SH2D4A: variants seen among roughly 807,000 people sequenced by gnomAD.
SH2D4A encodes SH2 domain-containing protein 4A.
In SH2D4A, 70 loss-of-function variants were observed where a neutral mutation model predicts 64.7. The observed-to-expected ratio is 1.08, with a 90% CI of 0.89 to 1.32. The LOEUF is 1.32. Among genes scored for constraint, SH2D4A ranks in the 40% most tolerant of loss-of-function variants. The probability of loss-of-function intolerance (pLI) is 0.00; values close to 1 mark genes in which losing one functional copy is unlikely to be tolerated. For missense variants in SH2D4A, 706 were observed against 540.1 expected, an observed-to-expected ratio of 1.31 and a Z score of -3.04; for synonymous variants, 268 against 200.7, an observed-to-expected ratio of 1.34 and a Z score of -2.83.
At chr8:19,358,753 G>A (rs1244283094) in intron 5 of SH2D4A, among the ~76,000 whole-genome samples, 3 of 152,278 alleles carry the variant, frequency 2.0e-5, no homozygotes, top group African/African-American at 7.2e-5. Flanking sequence ...TTGGTGGGGA[G>A]GCATTCTAAG....
At chr8:19,339,934 A>G (rs771731071) in intron 4 of SH2D4A, among the ~76,000 whole-genome samples, 1 of 152,216 alleles carries the variant, frequency 6.6e-6, no homozygotes, top group African/African-American at 2.4e-5. Context: ...GTAAAACGGA[A>G]TCACTGCTCT....
At chr8:19,326,498 A>G (rs2052282345) in intron 2 of SH2D4A, among the ~76,000 whole-genome samples, 1 of 152,114 alleles carries the variant, frequency 6.6e-6, no homozygotes, top group Non-Finnish European at 1.5e-5. Flanking sequence ...GTTAATATGG[A>G]ACGTTGCTAC....
chr8:19,384,827 T>C (rs2053356708), intron 8 of SH2D4A, among the ~76,000 whole-genome samples: 1 of 152,244 alleles, frequency 6.6e-6, no homozygotes, highest in Non-Finnish European at 1.5e-5. Flanking sequence ...AACATTTTCC[T>C]ACTTCTGCTA....
intron 8 of SH2D4A, among the ~76,000 whole-genome samples, chr8:19,392,663 T>A (rs549132882): frequency 6.6e-6 from 1 of 152,170 alleles, no homozygotes; most frequent in African/African-American, 2.4e-5. Flanking sequence ...CAAGGCGTTC[T>A]GTTAGACCCT....
intron 2 of SH2D4A, among the ~76,000 whole-genome samples, chr8:19,325,875 A>G (rs1027215857): frequency 6.6e-6 from 1 of 152,252 alleles, no homozygotes; most frequent in African/African-American, 2.4e-5. Flanking sequence ...AAGTTCTGAT[A>G]GAAATGGGCC....
chr8:19,334,309 G>C (rs1397390529), intron 3 of SH2D4A, among the ~76,000 whole-genome samples: 3 of 152,166 alleles, frequency 2.0e-5, no homozygotes, highest in Non-Finnish European at 4.4e-5. Context: ...ACTATCCATG[G>C]ACATATGAAG....
At position 19,364,126 on chromosome 8, in the gene SH2D4A, G is replaced by T. The variant is rs753072890; in HGVS notation, c.761G>T (p.Arg254Leu). ...AGACGCTCCTTGGCTAAACAAGCAC[G>T]AGAAGACTACAAGAGGTTATCCCTC... Reference protein sequence around the residue: ...EKRRSLAKQAREDYKRLSLGA... With the variant: ...EKRRSLAKQALEDYKRLSLGA... Residue 254 changes from arginine (R) to leucine (L), a missense_variant, in exon 7 of 10, where the codon CGA becomes CTA. Physicochemically the swap from Arg to Leu is moderately radical, Grantham distance 102 (BLOSUM62 -2). Transcript: ENST00000265807. 18 of 1,614,098 alleles carry T rather than the reference G, an allele frequency of 1.1e-5. No homozygotes were observed. Among genetic ancestry groups the T allele is most frequent in the South Asian group, 3.3e-5 (3 of 91,080 alleles).
chr8:19,316,714 C>G (rs2052094652), intron 1 of SH2D4A, among the ~76,000 whole-genome samples: 1 of 152,190 alleles, frequency 6.6e-6, no homozygotes, highest in South Asian at 2.1e-4. Context: ...TCCTGCTGTT[C>G]TGATTCTGGG....
chr8:19,347,890 G>A (rs1167778715), intron 4 of SH2D4A, among the ~76,000 whole-genome samples: 3 of 152,132 alleles, frequency 2.0e-5, no homozygotes, highest in Non-Finnish European at 4.4e-5. Flanking sequence ...CACCACACAG[G>A]CAAACACATG....
chr8:19,333,744 C>G (rs1204052674), intron 3 of SH2D4A, among the ~76,000 whole-genome samples: 1 of 152,108 alleles, frequency 6.6e-6, no homozygotes, highest in Non-Finnish European at 1.5e-5. Context: ...AGAAAGTTTA[C>G]CAAGCATAGG....
intron 4 of SH2D4A, among the ~76,000 whole-genome samples, chr8:19,343,520 A>G (rs1476945902): frequency 6.6e-6 from 1 of 152,190 alleles, no homozygotes; most frequent in Non-Finnish European, 1.5e-5. Context: ...GTAGTAAAAA[A>G]TGACATGAGA....
intron 2 of SH2D4A, among the ~76,000 whole-genome samples, chr8:19,332,691 C>CA (rs58695585): frequency 0.029 from 2,377 of 81,110 alleles, 41 homozygotes; most frequent in Middle Eastern, 0.082. Context: ...GTGAGACTGT[C>CA]AAAAAAAAAA....
chr8:19,392,571 G>C (rs2053509720), intron 8 of SH2D4A, among the ~76,000 whole-genome samples: 1 of 152,010 alleles, frequency 6.6e-6, no homozygotes, highest in Non-Finnish European at 1.5e-5. Flanking sequence ...CCAGGCCATT[G>C]AGTCCTTGTT....
At chr8:19,350,107 A>G (rs2052676000) in intron 4 of SH2D4A, among the ~76,000 whole-genome samples, 1 of 152,056 alleles carries the variant, frequency 6.6e-6, no homozygotes, top group South Asian at 2.1e-4. Context: ...GATTCTGAAT[A>G]TTTTCTCAAC....
At chr8:19,329,997 T>G (rs939745720) in intron 2 of SH2D4A, among the ~76,000 whole-genome samples, 1 of 152,198 alleles carries the variant, frequency 6.6e-6, no homozygotes, top group African/African-American at 2.4e-5. Flanking sequence ...GAAAATTCAT[T>G]AAATGCATCA....
intron 2 of SH2D4A, among the ~76,000 whole-genome samples, chr8:19,327,793 C>G (rs1189386464): frequency 6.6e-6 from 1 of 152,194 alleles, no homozygotes; most frequent in Non-Finnish European, 1.5e-5. Flanking sequence ...TCCTCCTTTT[C>G]CTCTTCACAA....
At chr8:19,346,263 C>T (rs767966878) in intron 4 of SH2D4A, among the ~76,000 whole-genome samples, 1 of 152,182 alleles carries the variant, frequency 6.6e-6, no homozygotes, top group Admixed American at 6.5e-5. Flanking sequence ...TGTTAGGAAC[C>T]AGGCCACATG....
intron 4 of SH2D4A, among the ~76,000 whole-genome samples, chr8:19,336,526 AAC>A (rs1377904848): frequency 6.6e-6 from 1 of 152,070 alleles, no homozygotes; most frequent in Admixed American, 6.6e-5. Context: ...AACCAAGAAC[AAC>A]AGTAATAACA....
chr8:19,366,234 A>ATG (rs2052991844), intron 7 of SH2D4A, among the ~76,000 whole-genome samples: 1 of 152,164 alleles, frequency 6.6e-6, no homozygotes, highest in Admixed American at 6.5e-5. Context: ...ATATATATAT[A>ATG]TTGTGTAGTG....
Sources: allele counts gnomAD v4.1 joint callset (sites outside exome capture counted in the v4.1 genomes callset), GRCh38; gene constraint gnomAD v4.1.1; transcripts MANE v1.5; gene names NCBI Gene and HGNC (gene_info 2026-07-23, HGNC 2026-07-21).